The following MGAT4C variants were observed in gnomAD, a reference collection of about 807,000 sequenced individuals.
The protein encoded by MGAT4C is alpha-1,3-mannosyl-glycoprotein 4-beta-N-acetylglucosaminyltransferase C.
In MGAT4C, 19 loss-of-function variants were observed where a neutral mutation model predicts 40.1. That is an observed-to-expected ratio of 0.47 (90% CI 0.33 to 0.70). The LOEUF (loss-of-function observed/expected upper bound fraction) is 0.70. MGAT4C is among the 30% of genes least tolerant of loss of function. The pLI is 0.02. For missense variants in MGAT4C, 491 were observed against 563.2 expected, an observed-to-expected ratio of 0.87 and a Z score of 1.30; for synonymous variants, 181 against 187.1, an observed-to-expected ratio of 0.97 and a Z score of 0.27.
intron 2 of MGAT4C, among the ~76,000 whole-genome samples, chr12:86,490,000 C>A (rs1181848285): frequency 6.6e-6 from 1 of 152,172 alleles, no homozygotes; most frequent in East Asian, 1.9e-4. Context: ...AAACACTCTG[C>A]AGGATATCAT....
chr12:86,281,894 C>T (rs1275911391), intron 4 of MGAT4C, among the ~76,000 whole-genome samples: 5 of 151,886 alleles, frequency 3.3e-5, no homozygotes, highest in African/African-American at 1.2e-4. Flanking sequence ...TTATATTTTC[C>T]CTTTCTTTAG....
chr12:86,221,135 C>G (rs1362910051), intron 1 of MGAT4C, among the ~76,000 whole-genome samples: 1 of 152,130 alleles, frequency 6.6e-6, no homozygotes, highest in Non-Finnish European at 1.5e-5. Context: ...AACAGAGAAG[C>G]TACTTGGTTA....
At chr12:86,053,546 C>T (rs1893094072) in intron 1 of MGAT4C, among the ~76,000 whole-genome samples, 1 of 151,324 alleles carries the variant, frequency 6.6e-6, no homozygotes, top group African/African-American at 2.4e-5. Flanking sequence ...GATTAAGACC[C>T]CAAAAGCATA....
chr12:86,574,365 A>T (rs1395131960), intron 2 of MGAT4C, among the ~76,000 whole-genome samples: 1 of 151,844 alleles, frequency 6.6e-6, no homozygotes, highest in Non-Finnish European at 1.5e-5. Flanking sequence ...TCAGCACCTG[A>T]CATAGGGCCC....
chr12:86,236,212 G>A (rs1442121073), intron 1 of MGAT4C, among the ~76,000 whole-genome samples: 3 of 152,102 alleles, frequency 2.0e-5, no homozygotes, highest in Middle Eastern at 6.8e-3. Flanking sequence ...AAGGTAGAGC[G>A]TTTTCAGGGT....
At chr12:86,253,802 C>A (rs1592595697) in intron 1 of MGAT4C, among the ~76,000 whole-genome samples, 1 of 151,804 alleles carries the variant, frequency 6.6e-6, no homozygotes, top group Non-Finnish European at 1.5e-5. Flanking sequence ...AACTAAAAAA[C>A]CAAGCAGTAT....
intron 1 of MGAT4C, among the ~76,000 whole-genome samples, chr12:86,806,970 C>T (rs969273711): frequency 2.6e-5 from 4 of 151,194 alleles, no homozygotes; most frequent in East Asian, 1.9e-4. Flanking sequence ...CAAACCTGCA[C>T]GTTGTGCACA....
At chr12:86,050,446 T>G (rs1892794371) in intron 1 of MGAT4C, among the ~76,000 whole-genome samples, 1 of 152,094 alleles carries the variant, frequency 6.6e-6, no homozygotes, top group African/African-American at 2.4e-5. Flanking sequence ...TATTCTTATT[T>G]TGTATTATCT....
intron 2 of MGAT4C, among the ~76,000 whole-genome samples, chr12:86,681,893 C>G (rs1398600582): frequency 6.6e-6 from 1 of 151,926 alleles, no homozygotes; most frequent in African/African-American, 2.4e-5. Context: ...ATTTACTGAA[C>G]AAAAATGACT....
chr12:86,380,707 C>T (rs1472412912), intron 3 of MGAT4C, among the ~76,000 whole-genome samples: 1 of 152,058 alleles, frequency 6.6e-6, no homozygotes. Flanking sequence ...AATCACAATC[C>T]AGAGAGACAT....
chr12:86,185,087 A>G (rs912210361), intron 1 of MGAT4C, among the ~76,000 whole-genome samples: 2 of 152,176 alleles, frequency 1.3e-5, no homozygotes, highest in African/African-American at 4.8e-5. Flanking sequence ...TCTAATTTAT[A>G]GAATGTGGTG....
At chr12:86,071,795 G>A (rs896239150) in intron 1 of MGAT4C, among the ~76,000 whole-genome samples, 3 of 152,036 alleles carry the variant, frequency 2.0e-5, no homozygotes, top group Non-Finnish European at 2.9e-5. Context: ...ACAGTAAAAC[G>A]TGTTAGATCC....
At chr12:86,684,612 CT>C (rs1950039167) in intron 2 of MGAT4C, among the ~76,000 whole-genome samples, 1 of 152,180 alleles carries the variant, frequency 6.6e-6, no homozygotes, top group Non-Finnish European at 1.5e-5. Context: ...GCCACACTGT[CT>C]TCCACAATGG....
At chr12:86,285,999 ATTTAT>A (rs1355975431) in intron 4 of MGAT4C, among the ~76,000 whole-genome samples, 2 of 152,002 alleles carry the variant, frequency 1.3e-5, no homozygotes, top group Non-Finnish European at 2.9e-5. Flanking sequence ...AGAAATAATT[ATTTAT>A]TTTAAGGGTG....
chr12:86,608,590 A>G (rs1037836829), intron 2 of MGAT4C, among the ~76,000 whole-genome samples: 10 of 152,068 alleles, frequency 6.6e-5, no homozygotes, highest in Non-Finnish European at 1.5e-4. Context: ...ACCTCTTTCA[A>G]TGTGCTAGTA....
At chr12:86,332,803 A>G (rs1954702057) in intron 4 of MGAT4C, among the ~76,000 whole-genome samples, 1 of 152,190 alleles carries the variant, frequency 6.6e-6, no homozygotes, top group Admixed American at 6.6e-5. Context: ...AAACATATCT[A>G]TAACTACTTA....
At chr12:86,814,257 CAT>C (rs1329568016) in intron 1 of MGAT4C, among the ~76,000 whole-genome samples, 1 of 138,238 alleles carries the variant, frequency 7.2e-6, no homozygotes, top group Non-Finnish European at 1.6e-5. Context: ...TATATATACA[CAT>C]ATATATACAT....
intron 2 of MGAT4C, among the ~76,000 whole-genome samples, chr12:86,481,766 T>C (rs1320553763): frequency 6.6e-6 from 1 of 151,836 alleles, no homozygotes; most frequent in African/African-American, 2.4e-5. Context: ...TACGTATAAA[T>C]AATATATTTT....
At chr12:86,189,279 G>A (rs960992065) in intron 1 of MGAT4C, among the ~76,000 whole-genome samples, 1 of 151,800 alleles carries the variant, frequency 6.6e-6, no homozygotes, top group African/African-American at 2.4e-5. Flanking sequence ...TTTACATTTT[G>A]TTGCTGGTGA....
Sources: allele counts gnomAD v4.1 joint callset (sites outside exome capture counted in the v4.1 genomes callset), GRCh38; gene constraint gnomAD v4.1.1; transcripts MANE v1.5; gene names NCBI Gene and HGNC (gene_info 2026-07-23, HGNC 2026-07-21).